Variants in SCLT1 observed in about 807,000 individuals in gnomAD.
SCLT1 encodes sodium channel-associated protein 1.
In SCLT1, 78 loss-of-function variants were observed where a neutral mutation model predicts 112.8. The ratio of observed to expected loss-of-function variants is 0.69; its 90% confidence interval spans 0.58 to 0.83. SCLT1 has a LOEUF of 0.83. SCLT1 is among the 40% of genes least tolerant of loss of function. The pLI is 0.00. For synonymous variants in SCLT1, 257 were observed against 254.7 expected, an observed-to-expected ratio of 1.01 and a Z score of -0.09; for missense variants, 747 against 770.4, an observed-to-expected ratio of 0.97 and a Z score of 0.36.
Position 129,028,307 on chromosome 4 carries a change from T to C in SCLT1, c.290+10734A>G, listed in dbSNP as rs1217384345. Among the ~76,000 whole-genome samples, 7 of 151,076 alleles carry C rather than the reference T, an allele frequency of 4.6e-5. No homozygotes were observed. In the East Asian group the frequency reaches 1.3e-3, roughly 29 times the overall value. On this transcript the variant is annotated intron_variant, in intron 5 of 20. Coordinates refer to ENST00000281142, the MANE Select transcript of SCLT1 (RefSeq NM_144643.4). ...CAAGGCTACAGTAACCAAAACAGCA[T>C]GGTACTGGTACCAAAACAGAGATAT...
chr4:128,975,897 G>A (rs1232098587), intron 9 of SCLT1, among the ~76,000 whole-genome samples: 2 of 152,104 alleles, frequency 1.3e-5, no homozygotes, highest in Non-Finnish European at 2.9e-5. Flanking sequence ...GTCTAATAAT[G>A]AAACCTATTC....
At chr4:129,071,023 C>T (rs770475743) in intron 2 of SCLT1, among the ~76,000 whole-genome samples, 2 of 152,090 alleles carry the variant, frequency 1.3e-5, no homozygotes, top group Non-Finnish European at 2.9e-5. Context: ...ATCTTGATTT[C>T]GTTTTTGACC....
In SCLT1 at chr4:128,895,388, C is replaced by A. The variant is rs144950505; in HGVS notation, c.1830-4251G>T. On this transcript the variant is annotated intron_variant, in intron 18 of 20. Coordinates refer to ENST00000281142, the MANE Select transcript of SCLT1 (RefSeq NM_144643.4). ...AATTTTGTGTAATTTATCTTTCCAACCTTATCCCCAAAAGGAACCTTCCAC... is the reference window on the plus strand; with the variant it reads ...AATTTTGTGTAATTTATCTTTCCAAACTTATCCCCAAAAGGAACCTTCCAC... Among the ~76,000 whole-genome samples, 792 of 152,330 alleles carry A rather than the reference C, an allele frequency of 5.2e-3. 21 individuals carry two copies. Among genetic ancestry groups the A allele is most frequent in the Admixed American group, 0.045 (694 of 15,302 alleles).
intron 18 of SCLT1, among the ~76,000 whole-genome samples, chr4:128,929,264 G>T (rs941584279): frequency 6.6e-6 from 1 of 152,150 alleles, no homozygotes; most frequent in Non-Finnish European, 1.5e-5. Context: ...AAAGGTGTAA[G>T]ATTTCTACAA....
chr4:129,039,577 TCTGATTCA>T (rs1334268710), intron 4 of SCLT1: 1 of 156,750 alleles, frequency 6.4e-6, no homozygotes, highest in Non-Finnish European at 1.4e-5. Context: ...TCATTCAGTT[TCTGATTCA>T]CCACCTTCAT....
chr4:128,912,304 G>T (rs1387345441), intron 18 of SCLT1, among the ~76,000 whole-genome samples: 1 of 152,136 alleles, frequency 6.6e-6, no homozygotes, highest in African/African-American at 2.4e-5. Flanking sequence ...CAGAGATATG[G>T]AAGTACCATC....
intron 9 of SCLT1, among the ~76,000 whole-genome samples, chr4:128,990,659 G>T (rs1742485073): frequency 2.6e-5 from 4 of 151,800 alleles, no homozygotes; most frequent in Admixed American, 1.3e-4. Flanking sequence ...AATTATCCTT[G>T]TTTGCAGATG....
chr4:128,937,168 C>T (rs1186344057), intron 17 of SCLT1, among the ~76,000 whole-genome samples: 1 of 151,740 alleles, frequency 6.6e-6, no homozygotes, highest in Non-Finnish European at 1.5e-5. Context: ...ATCCCAGCTA[C>T]TCAGGAGGCC....
chr4:129,076,037 CA>C (rs1250791258), intron 2 of SCLT1, among the ~76,000 whole-genome samples: 1 of 152,010 alleles, frequency 6.6e-6, no homozygotes, highest in East Asian at 1.9e-4. Flanking sequence ...ACCTTTCTAT[CA>C]AAAATAGGTC....
chr4:128,968,849 T>G (rs1359513680), intron 10 of SCLT1, among the ~76,000 whole-genome samples: 1 of 152,236 alleles, frequency 6.6e-6, no homozygotes, highest in South Asian at 2.1e-4. Flanking sequence ...AACTAGGCTC[T>G]GTGCCTACAT....
At chr4:129,072,860 G>C (rs919782961) in intron 2 of SCLT1, among the ~76,000 whole-genome samples, 5 of 151,992 alleles carry the variant, frequency 3.3e-5, no homozygotes, top group East Asian at 1.9e-4. Flanking sequence ...GTGATTCTTG[G>C]GGGGTGCTGA....
intron 2 of SCLT1, among the ~76,000 whole-genome samples, chr4:129,074,105 GTTC>G (rs1359059238): frequency 6.6e-6 from 1 of 151,978 alleles, no homozygotes; most frequent in African/African-American, 2.4e-5. Flanking sequence ...TGTTTTTAAT[GTTC>G]TTAAGATACA....
At chr4:129,071,942 T>C (rs1389040670) in intron 2 of SCLT1, among the ~76,000 whole-genome samples, 5 of 152,196 alleles carry the variant, frequency 3.3e-5, no homozygotes, top group African/African-American at 1.2e-4. Context: ...AGGTTCTGTT[T>C]TGATGTGCTT....
intron 2 of SCLT1, among the ~76,000 whole-genome samples, chr4:129,046,737 G>C (rs72924189): frequency 0.014 from 2,187 of 152,112 alleles, 48 homozygotes; most frequent in African/African-American, 0.044. Flanking sequence ...AGATCTAGAA[G>C]AAAATGTCAA....
At chr4:128,881,399 T>G (rs547345639), downstream of SCLT1, among the ~76,000 whole-genome samples, 1 of 152,246 alleles carries the variant, frequency 6.6e-6, no homozygotes, top group African/African-American at 2.4e-5. Flanking sequence ...TTGGCAAGAC[T>G]GTGTAACTAT....
chr4:129,039,571 T>G (rs1056214191), intron 4 of SCLT1: 16 of 157,008 alleles, frequency 1.0e-4, no homozygotes, highest in African/African-American at 3.9e-4. Context: ...AGTCATTCAT[T>G]CAGTTTCTGA....
At chr4:128,915,077 C>T (rs1391448860) in intron 18 of SCLT1, among the ~76,000 whole-genome samples, 1 of 152,048 alleles carries the variant, frequency 6.6e-6, no homozygotes, top group African/African-American at 2.4e-5. Flanking sequence ...TTCAATAATT[C>T]TTAAATAAAT....
intron 5 of SCLT1, among the ~76,000 whole-genome samples, chr4:129,020,933 A>G (rs4165): frequency 0.26 from 39,583 of 151,894 alleles, 6,330 homozygotes; most frequent in Non-Finnish European, 0.35. Context: ...AAGACAAATA[A>G]TAAGCAAGAA....
At chr4:128,874,516 A>AC (rs1732429144) in intron 4 of SCLT1, 2 of 152,042 alleles carry the variant, frequency 1.3e-5, no homozygotes, top group Admixed American at 6.6e-5. Flanking sequence ...ATTAAAAAAA[A>AC]CCCACACAAA....
Sources: gnomAD v4.1 joint callset for allele counts (sites outside exome capture counted in the v4.1 genomes callset) on GRCh38, gnomAD v4.1.1 for gene constraint, MANE v1.5 for transcripts, NCBI Gene and HGNC (gene_info 2026-07-23, HGNC 2026-07-21) for gene names.